The following IFT81 variants were observed in gnomAD, a reference collection of about 807,000 sequenced individuals.
IFT81 encodes the protein intraflagellar transport 81, also known as intraflagellar transport protein 81 homolog.
A neutral mutation model predicts 102.6 loss-of-function variants in IFT81; 72 were observed. The observed-to-expected ratio is 0.70, with a 90% confidence interval of 0.58 to 0.85. The LOEUF (loss-of-function observed/expected upper bound fraction) is 0.85. IFT81 is among the 40% of genes least tolerant of loss of function. The pLI, the probability that IFT81 is intolerant of heterozygous loss-of-function variation, is 0.00. For synonymous variants in IFT81, 237 were observed against 242.7 expected (o/e 0.98, Z 0.22); for missense variants, 723 against 787.3 (o/e 0.92, Z 0.98).
chr12:110,140,674 A>T (rs1382846349), intron 8 of IFT81, among the ~76,000 whole-genome samples: 1 of 152,124 alleles, frequency 6.6e-6, no homozygotes, highest in Non-Finnish European at 1.5e-5. Flanking sequence ...ACCACATAGG[A>T]ATGACTGACT....
rs112515524 is a variant in IFT81 at position 110,129,203 on chromosome 12, C to A, written c.429+73C>A. 9.5e-6 allele frequency: 11 copies of A among 1,155,942 alleles called. 1 individual carries two copies. The South Asian group carries it at 1.6e-4, about 17-fold the overall frequency. The allele number at this position is 1,155,942 out of a possible 1,614,324, so 71.6% of individuals were successfully genotyped here. ...TGTATATATTCAAATACATGTTACT[C>A]TTTTTTTATTTGCTGTCTTTGTAGT... is the stretch of plus-strand genomic sequence containing the variant. On this transcript the variant is annotated intron_variant, in intron 4 of 18. Transcript: ENST00000242591.
chr12:110,203,743 C>T (rs1898425348), intron 14 of IFT81, 121 bp from the exon 15 acceptor site: 1 of 695,408 alleles, frequency 1.4e-6, no homozygotes, highest in African/African-American at 1.8e-5. Flanking sequence ...ATAAATAACT[C>T]TTAAGTATGC....
chr12:110,189,647 C>T (rs1897700871), intron 12 of IFT81, among the ~76,000 whole-genome samples: 1 of 152,194 alleles, frequency 6.6e-6, no homozygotes, highest in African/African-American at 2.4e-5. Flanking sequence ...CCACACCTGG[C>T]CTAATTCCAG....
At chr12:110,133,867 A>G (rs1894326678) in intron 5 of IFT81, among the ~76,000 whole-genome samples, 3 of 152,354 alleles carry the variant, frequency 2.0e-5, no homozygotes, top group African/African-American at 7.2e-5. Context: ...ATCCTCATAC[A>G]TTTTGGTCAT....
At chr12:110,191,167 T>C in intron 13 of IFT81, 119 bp downstream of exon 13, 2 of 810,676 alleles carry the variant, frequency 2.5e-6, no homozygotes, top group South Asian at 4.2e-5. Flanking sequence ...CATTCTTTCA[T>C]CTTTTTTTTT....
At chr12:110,216,042 TA>T (rs1870082701) in intron 18 of IFT81, among the ~76,000 whole-genome samples, 1 of 152,214 alleles carries the variant, frequency 6.6e-6, no homozygotes, top group Non-Finnish European at 1.5e-5. Flanking sequence ...AGATAGAATA[TA>T]ACATTTAATA....
intron 18 of IFT81, among the ~76,000 whole-genome samples, chr12:110,213,168 T>G (rs1384931626): frequency 6.6e-6 from 1 of 152,230 alleles, no homozygotes; most frequent in African/African-American, 2.4e-5. Flanking sequence ...ATTTATTTGT[T>G]TGAATCAGGA....
At position 110,157,245 on chromosome 12, in the gene IFT81, A is replaced by T. The variant is rs12832284; in HGVS notation, c.1042-5674A>T. On this transcript the variant is annotated intron_variant, in intron 10 of 18. Transcript: ENST00000242591. ...GTGCCTGTAGTTCCAGCTACTCGGG[A>T]GGCTGAGGCAGGAGAATTGCTTGAA... Among the ~76,000 whole-genome samples, 36 of 152,236 alleles carry T rather than the reference A, an allele frequency of 2.4e-4. 1 individual carries two copies. Among genetic ancestry groups the T allele is most frequent in the African/African-American group, 7.7e-4 (32 of 41,550 alleles).
chr12:110,217,423 C>T (rs1007421420), intron 18 of IFT81, among the ~76,000 whole-genome samples: 3 of 152,168 alleles, frequency 2.0e-5, no homozygotes, highest in Admixed American at 1.3e-4. Flanking sequence ...GGAGACAAAA[C>T]CAGATTAAAA....
chr12:110,216,029 A>G (rs1203868244), intron 18 of IFT81, among the ~76,000 whole-genome samples: 2 of 152,188 alleles, frequency 1.3e-5, no homozygotes, highest in Admixed American at 1.3e-4. Flanking sequence ...CTGTTTCAGG[A>G]TAAGATAGAA....
At chr12:110,161,858 AT>A (rs1162436975) in intron 10 of IFT81, among the ~76,000 whole-genome samples, 1 of 152,068 alleles carries the variant, frequency 6.6e-6, no homozygotes, top group Admixed American at 6.6e-5. Context: ...TTTTTTAAGG[AT>A]TTGTGCTAGA....
At chr12:110,132,970 C>CTTT (rs11349893) in intron 5 of IFT81, among the ~76,000 whole-genome samples, 6 of 124,934 alleles carry the variant, frequency 4.8e-5, no homozygotes, top group East Asian at 2.1e-4. Flanking sequence ...CTTTCTCTCT[C>CTTT]TTTTTTTTTT....
At chr12:110,127,186 T>C (rs1173862824) in intron 1 of IFT81, among the ~76,000 whole-genome samples, 174 bp from the exon 2 acceptor site, 3 of 152,248 alleles carry the variant, frequency 2.0e-5, no homozygotes, top group African/African-American at 4.8e-5. Context: ...GCAGTTTTCA[T>C]AGTAAAGCCA....
At position 110,156,779 on chromosome 12, in the gene IFT81, G is replaced by A. The variant is rs149353571; in HGVS notation, c.1042-6140G>A. 6.9e-3 allele frequency among the ~76,000 whole-genome samples: 1,043 copies of A among 152,244 alleles called. 1 individual carries two copies. Among genetic ancestry groups the A allele is most frequent in the Non-Finnish European group, 9.4e-3 (641 of 68,010 alleles). ...TCCAAAGTACCAAGATTATAGGTGTGAGCCACCACACCCAGCCTCTCCCTT... is the reference window on the plus strand; with the variant it reads ...TCCAAAGTACCAAGATTATAGGTGTAAGCCACCACACCCAGCCTCTCCCTT... On this transcript the variant is annotated intron_variant, in intron 10 of 18. Coordinates refer to ENST00000242591, the MANE Select transcript of IFT81 (RefSeq NM_014055.4).
At chr12:110,174,969 C>T (rs1325324555) in intron 11 of IFT81, among the ~76,000 whole-genome samples, 1 of 152,102 alleles carries the variant, frequency 6.6e-6, no homozygotes, top group African/African-American at 2.4e-5. Flanking sequence ...CACCTGCTAG[C>T]ATAAACCATA....
intron 7 of IFT81, among the ~76,000 whole-genome samples, chr12:110,135,970 T>G (rs1894484832): frequency 6.6e-6 from 1 of 152,188 alleles, no homozygotes; most frequent in South Asian, 2.1e-4. Context: ...TGGCCTATGC[T>G]TACCTCGTGT....
intron 14 of IFT81, among the ~76,000 whole-genome samples, chr12:110,199,199 AAAGT>A: frequency 6.6e-6 from 1 of 152,276 alleles, no homozygotes; most frequent in Middle Eastern, 3.4e-3. Flanking sequence ...TCTAGTATCC[AAAGT>A]TCCTTTAGGT....
At chr12:110,132,316 C>T (rs771533151) in intron 4 of IFT81, among the ~76,000 whole-genome samples, 2 of 149,326 alleles carry the variant, frequency 1.3e-5, no homozygotes, top group African/African-American at 2.6e-5. Context: ...AAAAATTAGC[C>T]GGGCGTGGTG....
intron 15 of IFT81, chr12:110,204,826 T>A (rs1480715732): frequency 6.6e-6 from 1 of 152,428 alleles, no homozygotes; most frequent in Non-Finnish European, 1.5e-5. Flanking sequence ...TCCTTCATTA[T>A]GTTTCCTTGT....
Sources: gnomAD v4.1 joint callset for allele counts (sites outside exome capture counted in the v4.1 genomes callset) on GRCh38, gnomAD v4.1.1 for gene constraint, MANE v1.5 for transcripts, NCBI Gene and HGNC (gene_info 2026-07-23, HGNC 2026-07-21) for gene names.